The following HECW1 variants were observed in gnomAD, a reference collection of about 807,000 sequenced individuals.
The protein encoded by HECW1 is HECT, C2 and WW domain containing E3 ubiquitin protein ligase 1, also known as E3 ubiquitin-protein ligase HECW1.
HECW1 carries 61 observed loss-of-function variants against 182.3 expected under a neutral mutation model. The observed-to-expected ratio is 0.33, with a 90% CI of 0.27 to 0.41. The LOEUF is 0.41. Ranked by LOEUF, HECW1 falls within the 10% of genes least tolerant of loss-of-function variation. HECW1 has a pLI of 1.00. For synonymous variants in HECW1, 859 were observed against 832.6 expected, an observed-to-expected ratio of 1.03 and a Z score of -0.55; for missense variants, 1,739 against 2,108.9, an observed-to-expected ratio of 0.82 and a Z score of 3.44.
chr7:43,507,834 T>C (rs1416558033), intron 22 of HECW1, among the ~76,000 whole-genome samples, 184 bp from the exon 23 acceptor site: 1 of 152,206 alleles, frequency 6.6e-6, no homozygotes, highest in Non-Finnish European at 1.5e-5. Flanking sequence ...CTTGTGCTCC[T>C]GATGTTTTGA....
chr7:43,206,639 T>C (rs1204004109), intron 2 of HECW1, among the ~76,000 whole-genome samples: 1 of 152,170 alleles, frequency 6.6e-6, no homozygotes, highest in Non-Finnish European at 1.5e-5. Flanking sequence ...CCAGCTTCCC[T>C]CCCCCACCTC....
intron 2 of HECW1, among the ~76,000 whole-genome samples, chr7:43,213,439 A>ATTTTTTTTTTTTTTTTTTTTT (rs35199868): frequency 1.1e-5 from 1 of 92,484 alleles, no homozygotes; most frequent in African/African-American, 4.1e-5. Flanking sequence ...GATCATAAGA[A>ATTTTTTTTTTTTTTTTTTTTT]TTTTTTTTTT....
At chr7:43,488,028 A>G (rs2078716105) in intron 17 of HECW1, among the ~76,000 whole-genome samples, 1 of 151,494 alleles carries the variant, frequency 6.6e-6, no homozygotes, top group Non-Finnish European at 1.5e-5. Context: ...CCAGCCAGGC[A>G]GACAGTCACA....
At chr7:43,156,688 G>A (rs2107271) in intron 2 of HECW1, among the ~76,000 whole-genome samples, 57,393 of 151,930 alleles carry the variant, frequency 0.38, 11,192 homozygotes, top group African/African-American at 0.47. Context: ...TGTACCAGAT[G>A]TTTCTGGTTC....
chr7:43,494,346 T>A (rs758450555), intron 19 of HECW1, among the ~76,000 whole-genome samples: 2 of 152,080 alleles, frequency 1.3e-5, no homozygotes, highest in Non-Finnish European at 2.9e-5. Flanking sequence ...GTTTAGGTGC[T>A]CATCATCTCT....
chr7:43,137,426 T>C (rs1787662876), intron 2 of HECW1, among the ~76,000 whole-genome samples: 1 of 152,216 alleles, frequency 6.6e-6, no homozygotes, highest in Non-Finnish European at 1.5e-5. Context: ...CTCTCTAAAA[T>C]GGATACTCAT....
chr7:43,544,519 G>A (rs1368012822), intron 26 of HECW1, among the ~76,000 whole-genome samples: 1 of 152,228 alleles, frequency 6.6e-6, no homozygotes, highest in African/African-American at 2.4e-5. Context: ...GTAGGTGGAA[G>A]TGTGATTCAC....
intron 2 of HECW1, among the ~76,000 whole-genome samples, chr7:43,190,778 C>T (rs765698109): frequency 1.3e-5 from 2 of 152,208 alleles, no homozygotes; most frequent in Non-Finnish European, 2.9e-5. Context: ...AACTCATCTC[C>T]TCCCTTATTC....
intron 5 of HECW1, among the ~76,000 whole-genome samples, chr7:43,330,414 T>C (rs7800963): frequency 6.6e-6 from 1 of 151,936 alleles, no homozygotes; most frequent in Non-Finnish European, 1.5e-5. Flanking sequence ...GCATGTGAGA[T>C]CCGCAGGAGA....
intron 2 of HECW1, among the ~76,000 whole-genome samples, chr7:43,217,967 A>G (rs1204627882): frequency 6.6e-6 from 1 of 152,184 alleles, no homozygotes; most frequent in African/African-American, 2.4e-5. Flanking sequence ...TTCCTCGAAG[A>G]AAAGCCTCCC....
chr7:43,215,398 C>T (rs533075100), intron 2 of HECW1, among the ~76,000 whole-genome samples: 1 of 152,202 alleles, frequency 6.6e-6, no homozygotes, highest in Non-Finnish European at 1.5e-5. Flanking sequence ...GACGGCAATC[C>T]TACGTAATGC....
chr7:43,280,853 A>G (rs1803805370), intron 3 of HECW1, among the ~76,000 whole-genome samples: 1 of 152,186 alleles, frequency 6.6e-6, no homozygotes, highest in African/African-American at 2.4e-5. Flanking sequence ...CTAGGAGCAA[A>G]TGGGTTTGAG....
chr7:43,210,684 T>A (rs1795931752), intron 2 of HECW1, among the ~76,000 whole-genome samples: 1 of 152,068 alleles, frequency 6.6e-6, no homozygotes, highest in South Asian at 2.1e-4. Flanking sequence ...GTGACTAGTG[T>A]TCAGCTCAAT....
At chr7:43,176,516 G>T (rs552630103) in intron 2 of HECW1, among the ~76,000 whole-genome samples, 1 of 152,208 alleles carries the variant, frequency 6.6e-6, no homozygotes, top group Non-Finnish European at 1.5e-5. Context: ...CCTTCTTACT[G>T]GTGGGGACTC....
intron 7 of HECW1, among the ~76,000 whole-genome samples, chr7:43,402,028 G>T (rs952800082): frequency 2.0e-5 from 3 of 151,968 alleles, no homozygotes; most frequent in Admixed American, 1.3e-4. Flanking sequence ...TTGGCCGAGG[G>T]ACAGCCAAAC....
chr7:43,338,086 G>C (rs1378055233), intron 5 of HECW1, among the ~76,000 whole-genome samples: 3 of 152,180 alleles, frequency 2.0e-5, no homozygotes, highest in African/African-American at 4.8e-5. Context: ...TCTCCACTTA[G>C]ATTGAAACAC....
intron 6 of HECW1, among the ~76,000 whole-genome samples, chr7:43,368,587 C>T (rs1303629864): frequency 6.6e-6 from 1 of 152,148 alleles, no homozygotes; most frequent in East Asian, 1.9e-4. Flanking sequence ...ATAATTTACC[C>T]AGGCCCTACT....
At position 43,500,440 on chromosome 7, in the gene HECW1, C is replaced by T. The variant is rs75222906; in HGVS notation, c.3438-259C>T. Among the ~76,000 whole-genome samples the T allele has an allele frequency of 8.1e-3, 1,228 of 152,236 alleles. 18 individuals are homozygous for T. Among genetic ancestry groups the T allele is most frequent in the African/African-American group, 0.028 (1,169 of 41,524 alleles). On this transcript the variant is annotated intron_variant, in intron 19 of 29. Transcript: ENST00000395891. ...GAGCAATCTCTTACCCAGCTCCACT[C>T]CTGACTGTCTTAGCTACCTGAGGAC...
chr7:43,444,261 A>G lies in HECW1; in HGVS notation c.1089A>G (p.Gln363=), dbSNP rs1269314428. 1 of 1,612,220 alleles carries G rather than the reference A, an allele frequency of 6.2e-7. No homozygotes were observed. Among genetic ancestry groups the G allele is most frequent in the African/African-American group, 1.3e-5 (1 of 74,874 alleles). ...TGAGTACCGAGCCTGAGTCAGCCCA[A>G]ATTCAGGACAGCCCCATGAACAACC... is the stretch of plus-strand genomic sequence containing the variant. ...ISLSTEPESA[Q]IQDSPMNNLM... is the part of the protein sequence containing the mutation. The change falls in exon 11 of 30, where the codon CAA becomes CAG. Residue 363 remains glutamine (Q), a synonymous_variant. Transcript: ENST00000395891. The surrounding 1 kb of genome is among the most constrained non-coding windows in gnomAD (Gnocchi z 4.3).
Sources: gnomAD v4.1 joint callset for allele counts (sites outside exome capture counted in the v4.1 genomes callset) on GRCh38, gnomAD v4.1.1 for gene constraint, Gnocchi (gnomAD v3.1) non-coding constraint, MANE v1.5 for transcripts, NCBI Gene and HGNC (gene_info 2026-07-23, HGNC 2026-07-21) for gene names.